The following PPP3CA variants were observed in gnomAD, a reference collection of about 807,000 sequenced individuals.
PPP3CA encodes the protein CAM-PRP catalytic subunit.
In PPP3CA, 14 loss-of-function variants were observed where a neutral mutation model predicts 66.5. The observed-to-expected ratio is 0.21, with a 90% CI of 0.14 to 0.33. The LOEUF is 0.33. Ranked by LOEUF, PPP3CA falls within the 10% of genes least tolerant of loss-of-function variation. PPP3CA has a pLI of 1.00. For missense variants in PPP3CA, 317 were observed against 639.5 expected, an observed-to-expected ratio of 0.50 and a Z score of 5.44; for synonymous variants, 232 against 226.2, an observed-to-expected ratio of 1.03 and a Z score of -0.23.
chr4:101,239,290 A>T (rs1726225599), intron 1 of PPP3CA, among the ~76,000 whole-genome samples: 1 of 152,144 alleles, frequency 6.6e-6, no homozygotes, highest in Non-Finnish European at 1.5e-5. Context: ...ATTTGGTTTA[A>T]TCTTATTCCA....
intron 1 of PPP3CA, among the ~76,000 whole-genome samples, chr4:101,281,320 A>G (rs999979412): frequency 6.6e-6 from 1 of 152,218 alleles, no homozygotes. Context: ...TGGGCTCAGG[A>G]GAAGCTTTAT....
intron 6 of PPP3CA, among the ~76,000 whole-genome samples, chr4:101,093,494 A>C (rs1730051551): frequency 6.6e-6 from 1 of 152,188 alleles, no homozygotes; most frequent in Non-Finnish European, 1.5e-5. Context: ...TGGGAAACCA[A>C]AAAAATAATG....
rs190487902 is a variant in PPP3CA at position 101,100,158 on chromosome 4, T to C, written c.385-436A>G. Among the ~76,000 whole-genome samples the C allele has an allele frequency of 3.1e-4, 47 of 152,174 alleles. No homozygotes were observed. In the East Asian group the frequency reaches 7.5e-3, roughly 24 times the overall value. ...ACTTCAATTTAATTAAATAGATACA[T>C]AAATCAAAAACTTCAGATTTATATA... On this transcript the variant is annotated intron_variant, in intron 3 of 13. Transcript: ENST00000394854.
intron 1 of PPP3CA, among the ~76,000 whole-genome samples, chr4:101,240,046 A>C (rs200697347): frequency 2.0e-5 from 1 of 50,700 alleles, no homozygotes; most frequent in Admixed American, 1.9e-4. Flanking sequence ...TTTTGGGGGG[A>C]GCGGGGGGGA....
intron 1 of PPP3CA, among the ~76,000 whole-genome samples, chr4:101,282,323 A>G (rs990890438): frequency 6.6e-6 from 1 of 152,244 alleles, no homozygotes; most frequent in Non-Finnish European, 1.5e-5. Flanking sequence ...CAGAAGAATG[A>G]CAAAGGTGAT....
intron 3 of PPP3CA, among the ~76,000 whole-genome samples, chr4:101,105,166 T>C (rs1294781434): frequency 3.3e-5 from 5 of 151,136 alleles, no homozygotes. Flanking sequence ...TTCTTTTTTT[T>C]CCTTTTTTTT....
intron 1 of PPP3CA, among the ~76,000 whole-genome samples, chr4:101,324,831 C>G (rs1044312651): frequency 6.6e-6 from 1 of 152,172 alleles, no homozygotes; most frequent in Non-Finnish European, 1.5e-5. Context: ...CGACACAAGA[C>G]TAAGTATAAG....
chr4:101,054,195 G>A (rs978882414), intron 10 of PPP3CA, among the ~76,000 whole-genome samples: 2 of 151,494 alleles, frequency 1.3e-5, no homozygotes, highest in African/African-American at 4.8e-5. Context: ...CATTTTTTTA[G>A]ATGAGGAAGC....
chr4:101,067,842 A>T (rs1413174240), intron 8 of PPP3CA, among the ~76,000 whole-genome samples: 3 of 149,660 alleles, frequency 2.0e-5, no homozygotes, highest in African/African-American at 4.9e-5. Context: ...ATAATAATAA[A>T]AAGCTTCTAA....
intron 3 of PPP3CA, among the ~76,000 whole-genome samples, chr4:101,105,104 TA>T (rs1332080780): frequency 6.6e-6 from 1 of 151,910 alleles, no homozygotes; most frequent in East Asian, 1.9e-4. Flanking sequence ...TTGTAGACTT[TA>T]AAAAAATCTG....
intron 2 of PPP3CA, among the ~76,000 whole-genome samples, chr4:101,128,783 C>T (rs1722331342): frequency 6.6e-6 from 1 of 152,130 alleles, no homozygotes; most frequent in Admixed American, 6.6e-5. Context: ...GTGGCTACAC[C>T]ACAAGGGCCC....
chr4:101,219,216 A>G (rs191541971), intron 1 of PPP3CA, among the ~76,000 whole-genome samples: 6 of 152,156 alleles, frequency 3.9e-5, no homozygotes, highest in African/African-American at 9.6e-5. Context: ...TGGAAAGTAT[A>G]CTATGTATAA....
At chr4:101,200,737 G>A (rs1724943068) in intron 1 of PPP3CA, among the ~76,000 whole-genome samples, 1 of 152,058 alleles carries the variant, frequency 6.6e-6, no homozygotes, top group Admixed American at 6.6e-5. Context: ...GGTGCTTTCT[G>A]GAGCAAAACT....
chr4:101,058,000 T>C (rs998588439), intron 10 of PPP3CA, among the ~76,000 whole-genome samples: 16 of 152,142 alleles, frequency 1.1e-4, no homozygotes, highest in Admixed American at 5.2e-4. Flanking sequence ...TAGATGATTG[T>C]TTCTCTTTAG....
intron 7 of PPP3CA, among the ~76,000 whole-genome samples, chr4:101,082,173 T>C (rs1186204267): frequency 2.6e-5 from 4 of 152,198 alleles, no homozygotes. Flanking sequence ...AACAATTATT[T>C]GAAGACCTGA....
chr4:101,138,406 G>A (rs564200139), intron 2 of PPP3CA, among the ~76,000 whole-genome samples: 8 of 152,220 alleles, frequency 5.3e-5, no homozygotes, highest in South Asian at 2.1e-4. Flanking sequence ...TTTAATCACC[G>A]AGCACATTAG....
chr4:101,035,501 C>G lies in PPP3CA; in HGVS notation c.1242-3137G>C, dbSNP rs563821862. 2.0e-5 allele frequency among the ~76,000 whole-genome samples: 3 copies of G among 152,294 alleles called. No individual in the cohort carries two copies. The South Asian group carries it at 6.2e-4, about 32-fold the overall frequency. On this transcript the variant is annotated intron_variant, in intron 11 of 13. Coordinates refer to ENST00000394854, the MANE Select transcript of PPP3CA (RefSeq NM_000944.5). Reference sequence around the variant, plus strand: ...TTTGTGGGGGTCACACTCAGGCTAACATCTCAGTCATAAGACTGATGTTGG... The same window carrying G: ...TTTGTGGGGGTCACACTCAGGCTAAGATCTCAGTCATAAGACTGATGTTGG...
In PPP3CA at chr4:101,308,834, A is replaced by C. The variant is rs1180774791; in HGVS notation, c.58+37905T>G. On this transcript the variant is annotated intron_variant, in intron 1 of 13. Coordinates refer to ENST00000394854, the MANE Select transcript of PPP3CA (RefSeq NM_000944.5). ...TTCTGCAATGTGAAATTTTATATAC[A>C]TAAGATTAAACATTTTTCCATTAGC... Among the ~76,000 whole-genome samples the C allele has an allele frequency of 2.0e-5, 3 of 152,224 alleles. No homozygotes were observed. In the East Asian group the frequency reaches 5.8e-4, roughly 29 times the overall value.
intron 2 of PPP3CA, among the ~76,000 whole-genome samples, chr4:101,167,372 C>T (rs1431531601): frequency 6.6e-6 from 1 of 152,024 alleles, no homozygotes; most frequent in Non-Finnish European, 1.5e-5. Flanking sequence ...ACCTAGACAG[C>T]TTTAGTAAAA....
Sources: allele counts gnomAD v4.1 joint callset (sites outside exome capture counted in the v4.1 genomes callset), GRCh38; gene constraint gnomAD v4.1.1; transcripts MANE v1.5; gene names NCBI Gene and HGNC (gene_info 2026-07-23, HGNC 2026-07-21).